CFAP54: variants seen among roughly 807,000 people sequenced by gnomAD.
CFAP54 encodes the protein cilia- and flagella-associated protein 54.
CFAP54 carries 290 observed loss-of-function variants against 370.4 expected under a neutral mutation model. The ratio of observed to expected loss-of-function variants is 0.78; its 90% confidence interval spans 0.71 to 0.86. The LOEUF is 0.86. Among genes scored for constraint, CFAP54 ranks in the 40% least tolerant of loss-of-function variants. CFAP54 has a pLI of 0.00. For missense variants in CFAP54, 3,399 were observed against 3,528.7 expected (o/e 0.96, Z 0.93); for synonymous variants, 1,206 against 1,236.5 (o/e 0.98, Z 0.52).
chr12:96,691,056 A>C, intron 43 of CFAP54, 72 bp from the exon 44 acceptor site: 2 of 1,336,206 alleles, frequency 1.5e-6, no homozygotes, highest in Non-Finnish European at 2.1e-6. Flanking sequence ...CAATACATGT[A>C]TTTATCTTTT....
intron 6 of CFAP54, among the ~76,000 whole-genome samples, chr12:96,521,528 G>T (rs1390589863): frequency 8.2e-6 from 1 of 121,974 alleles, no homozygotes; most frequent in Admixed American, 8.4e-5. Context: ...GTGTGTGTGT[G>T]TGTGTGTGTG....
intron 58 of CFAP54, among the ~76,000 whole-genome samples, chr12:96,763,298 ATTGT>A (rs983351657): frequency 1.4e-4 from 22 of 152,120 alleles, no homozygotes; most frequent in Middle Eastern, 3.4e-3. Flanking sequence ...ATCCTCAATC[ATTGT>A]TTGTTTGTTT....
At chr12:96,812,795 G>C (rs964514330) in intron 64 of CFAP54, among the ~76,000 whole-genome samples, 4 of 152,196 alleles carry the variant, frequency 2.6e-5, no homozygotes, top group Non-Finnish European at 5.9e-5. Context: ...CCATGAAAGA[G>C]ACAAAGGCTG....
At chr12:96,753,981 T>G (rs1958221004) in intron 56 of CFAP54, 83 bp downstream of exon 56, 1 of 1,396,938 alleles carries the variant, frequency 7.2e-7, no homozygotes, top group Non-Finnish European at 9.8e-7. Context: ...GAAAATCTGG[T>G]CCCTGACTAT....
intron 66 of CFAP54, among the ~76,000 whole-genome samples, chr12:96,835,253 G>T (rs996245226): frequency 6.6e-6 from 1 of 152,058 alleles, no homozygotes; most frequent in Non-Finnish European, 1.5e-5. Flanking sequence ...TAATCCTGAC[G>T]TCTCCTGCTA....
At chr12:96,573,007 C>G (rs985680810) in intron 19 of CFAP54, 9 of 985,230 alleles carry the variant, frequency 9.1e-6, no homozygotes, top group Admixed American at 1.2e-4. Context: ...ATTTTGAGAT[C>G]AAATTTGGAG....
At chr12:96,679,462 C>T in intron 39 of CFAP54, 138 bp from the exon 40 acceptor site, 1 of 745,344 alleles carries the variant, frequency 1.3e-6, no homozygotes. Flanking sequence ...GTTGAAACAC[C>T]TGCTGCAGAT....
At chr12:96,642,047 G>T (rs968243290) in intron 32 of CFAP54, among the ~76,000 whole-genome samples, 1 of 151,426 alleles carries the variant, frequency 6.6e-6, no homozygotes, top group Non-Finnish European at 1.5e-5. Flanking sequence ...CTTGCACGTT[G>T]TGCACATTTA....
intron 17 of CFAP54, among the ~76,000 whole-genome samples, chr12:96,561,495 C>A (rs1477103860): frequency 6.6e-6 from 1 of 152,006 alleles, no homozygotes; most frequent in Non-Finnish European, 1.5e-5. Context: ...CCCCATTATT[C>A]TTTGAGATTT....
intron 58 of CFAP54, among the ~76,000 whole-genome samples, chr12:96,761,550 C>T (rs1471700016): frequency 6.6e-6 from 1 of 151,948 alleles, no homozygotes; most frequent in African/African-American, 2.4e-5. Context: ...ATCTAGCACC[C>T]TTTGTCTAAC....
chr12:96,691,816 A>G (rs1267526736), intron 44 of CFAP54, among the ~76,000 whole-genome samples: 1 of 152,174 alleles, frequency 6.6e-6, no homozygotes, highest in African/African-American at 2.4e-5. Flanking sequence ...AAATCCAAGT[A>G]CAGCTCTCCT....
At chr12:96,555,380 T>C (rs1333561685) in intron 17 of CFAP54, among the ~76,000 whole-genome samples, 1 of 151,790 alleles carries the variant, frequency 6.6e-6, no homozygotes, top group African/African-American at 2.4e-5. Context: ...CACTGCTGAT[T>C]GGTGCAGGAA....
chr12:96,753,167 A>G (rs1958209188), intron 55 of CFAP54, among the ~76,000 whole-genome samples: 1 of 152,202 alleles, frequency 6.6e-6, no homozygotes, highest in African/African-American at 2.4e-5. Context: ...GATAAAGTCT[A>G]ATGTCTCTTC....
chr12:96,796,858 T>A (rs1249069943), intron 63 of CFAP54, among the ~76,000 whole-genome samples: 1 of 152,164 alleles, frequency 6.6e-6, no homozygotes, highest in Non-Finnish European at 1.5e-5. Flanking sequence ...TTTTGGTTAA[T>A]ATATCTTTTT....
intron 4 of CFAP54, among the ~76,000 whole-genome samples, chr12:96,509,956 G>A (rs75213097): frequency 1.4e-3 from 207 of 152,042 alleles, no homozygotes; most frequent in African/African-American, 4.6e-3. Context: ...ACAAGACCAG[G>A]CAATAAACTC....
In CFAP54 at chr12:96,685,072, A is replaced by G; in HGVS notation, c.5848A>G (p.Arg1950Gly). 1 of 1,614,124 alleles carries G rather than the reference A, an allele frequency of 6.2e-7. No homozygotes were observed. Among genetic ancestry groups the G allele is most frequent in the Non-Finnish European group, 8.5e-7 (1 of 1,180,004 alleles). The part of the protein sequence containing the change: ...CWCQALDDIF[R>G]KPDVLHTWKE... The stretch of plus-strand genomic sequence containing the variant: ...GTGTCAAGCTCTTGATGACATATTC[A>G]GAAAACCAGACGTGCTACACACGTG... The change falls in exon 42 of 68, where the codon AGA (arginine) becomes GGA (glycine). Residue 1950 changes from arginine (R) to glycine (G), a missense_variant. This residue lies in a region of CFAP54 where 2,796 missense variants were observed against 2,869.7 expected (regional missense o/e 0.97). Coordinates refer to ENST00000524981, the MANE Select transcript of CFAP54 (RefSeq NM_001306084.2).
Position 96,576,640 on chromosome 12 carries a change from AT to A in CFAP54, c.2676del (p.Gln893ArgfsTer28), listed in dbSNP as rs1212996399. ...IEAEQNALYS[Y>X]QKYLESSKRK... The stretch of plus-strand genomic sequence containing the variant: ...GCTGAACAAAATGCCCTATATTCCT[AT>A]CAGAAATATTTGGAAAGTTCAAAAA... On this transcript the variant is annotated frameshift_variant, in exon 20 of 68. Coordinates refer to ENST00000524981, the MANE Select transcript of CFAP54 (RefSeq NM_001306084.2). LOFTEE classifies it high-confidence loss of function. 2.0e-6 allele frequency: 3 copies of A among 1,534,664 alleles called. No individual in the cohort carries two copies. In the African/African-American group the frequency reaches 4.1e-5, roughly 21 times the overall value.
rs376489031 is a variant in CFAP54, at chr12:96,576,348, A to T, written c.2620-237A>T. On this transcript the variant is annotated intron_variant, in intron 19 of 67. Coordinates refer to ENST00000524981, the MANE Select transcript of CFAP54 (RefSeq NM_001306084.2). ...TTCATGTATGATAATAATGATAAAC[A>T]TATAAGATACACAAATATAATGCCA... is the stretch of plus-strand genomic sequence containing the variant. Among the ~76,000 whole-genome samples the T allele has an allele frequency of 3.0e-4, 46 of 151,870 alleles. No individual in the cohort carries two copies. In the South Asian group the frequency reaches 8.5e-3, roughly 28 times the overall value.
chr12:96,647,930 C>T lies in CFAP54; in HGVS notation c.4603C>T (p.Pro1535Ser). The change falls in exon 34 of 68, where the codon CCA (proline) becomes TCA (serine). Residue 1535 changes from proline (P) to serine (S), a missense_variant. Pro to Ser is a moderately conservative substitution (Grantham distance 74, BLOSUM62 -1). Coordinates refer to ENST00000524981, the MANE Select transcript of CFAP54 (RefSeq NM_001306084.2). Reference sequence around the variant, plus strand: ...ACTGTATAATTCAGGAACAGTATTACCAACAAGAAAATTGACTGTAGAAAA... The same window carrying T: ...ACTGTATAATTCAGGAACAGTATTATCAACAAGAAAATTGACTGTAGAAAA... The part of the protein sequence containing the change: ...FSLYNSGTVL[P>S]TRKLTVENYK... The T allele has an allele frequency of 3.3e-6, 5 of 1,516,968 alleles. No individual in the cohort carries two copies. Among genetic ancestry groups the T allele is most frequent in the African/African-American group, 1.4e-5 (1 of 72,088 alleles). 94.0% of individuals were successfully genotyped at this position (1,516,968 alleles called of 1,614,324 possible). A position where few individuals can be genotyped will look rare whatever the true frequency, so the allele number is the denominator to read the frequency against.
Sources: gnomAD v4.1 joint callset for allele counts (sites outside exome capture counted in the v4.1 genomes callset) on GRCh38, gnomAD v4.1.1 for gene constraint, gnomAD v4.1.1 regional missense constraint, MANE v1.5 for transcripts, NCBI Gene and HGNC (gene_info 2026-07-23, HGNC 2026-07-21) for gene names.